Variants in DOCK3 observed in about 807,000 individuals in gnomAD.
DOCK3 encodes dedicator of cytokinesis 3.
DOCK3 carries 60 observed loss-of-function variants against 265.6 expected under a neutral mutation model. The ratio of observed to expected loss-of-function variants is 0.23; its 90% CI spans 0.18 to 0.28. The LOEUF is 0.28. Among genes scored for constraint, DOCK3 ranks in the 10% least tolerant of loss-of-function variants. The pLI is 1.00. For missense variants in DOCK3, 1,981 were observed against 2,594.3 expected, an observed-to-expected ratio of 0.76 and a Z score of 5.14; for synonymous variants, 881 against 938.0, an observed-to-expected ratio of 0.94 and a Z score of 1.11.
At chr3:51,178,878 A>G (rs780833129) in intron 12 of DOCK3, among the ~76,000 whole-genome samples, 16 of 152,258 alleles carry the variant, frequency 1.1e-4, no homozygotes, top group Non-Finnish European at 1.8e-4. Context: ...CAGATAATAA[A>G]GGACTCATTG....
At chr3:51,306,199 T>TG (rs1406394444) in intron 27 of DOCK3, among the ~76,000 whole-genome samples, 3 of 152,074 alleles carry the variant, frequency 2.0e-5, no homozygotes. Flanking sequence ...TTTTGCTGGC[T>TG]GTAGGATTCT....
chr3:51,283,896 G>C (rs1384367021), intron 27 of DOCK3, among the ~76,000 whole-genome samples: 2 of 152,222 alleles, frequency 1.3e-5, no homozygotes, highest in African/African-American at 2.4e-5. Flanking sequence ...AAACAGTGCA[G>C]AGAAGGGGCT....
At chr3:50,978,017 G>C (rs1295417956) in intron 5 of DOCK3, among the ~76,000 whole-genome samples, 3 of 152,006 alleles carry the variant, frequency 2.0e-5, no homozygotes, top group East Asian at 3.9e-4. Context: ...GCACTTCTCT[G>C]TATTGGTTAT....
chr3:51,333,420 A>G (rs908484049), intron 35 of DOCK3, among the ~76,000 whole-genome samples, 167 bp downstream of exon 35: 3 of 152,162 alleles, frequency 2.0e-5, no homozygotes, highest in Non-Finnish European at 4.4e-5. Flanking sequence ...CCAAGGAGAG[A>G]CAGAGACTTT....
intron 3 of DOCK3, among the ~76,000 whole-genome samples, chr3:50,872,806 TC>T (rs1213302263): frequency 6.6e-6 from 1 of 152,182 alleles, no homozygotes; most frequent in Non-Finnish European, 1.5e-5. Flanking sequence ...AGGAGCCTCA[TC>T]CTGTGGCTCC....
chr3:51,125,258 G>A (rs1028576146), intron 9 of DOCK3, among the ~76,000 whole-genome samples: 2 of 152,114 alleles, frequency 1.3e-5, no homozygotes, highest in Non-Finnish European at 2.9e-5. Context: ...AAATTTGAAA[G>A]CATTTAGGAA....
rs548273157 is a variant in DOCK3, at chr3:51,191,810, CTT to C, written c.1038-16962_1038-16961del. 1.8e-3 allele frequency among the ~76,000 whole-genome samples: 279 copies of C among 152,024 alleles called. 2 individuals carry two copies. The highest frequency in any genetic ancestry group is 6.4e-3 in the African/African-American group (264 of 41,518). The stretch of plus-strand genomic sequence containing the variant: ...TGGGAGGAAAAAACACACAAAAACT[CTT>C]TGCCCACTTTTATGGGATTATTAGC... On this transcript the variant is annotated intron_variant, in intron 12 of 52. Transcript: ENST00000266037.
At chr3:50,704,345 G>A (rs1219963094) in intron 1 of DOCK3, among the ~76,000 whole-genome samples, 3 of 151,834 alleles carry the variant, frequency 2.0e-5, no homozygotes, top group Admixed American at 6.6e-5. Context: ...CTCTCTAGGT[G>A]GTCTGTCCAG....
intron 27 of DOCK3, among the ~76,000 whole-genome samples, chr3:51,293,122 AC>A (rs1387027157): frequency 3.9e-5 from 6 of 152,200 alleles, no homozygotes; most frequent in South Asian, 2.1e-4. Flanking sequence ...ATAGAAAAAA[AC>A]AATCCTAAAA....
At chr3:51,352,095 G>T (rs1321208579) in intron 40 of DOCK3, among the ~76,000 whole-genome samples, 1 of 152,204 alleles carries the variant, frequency 6.6e-6, no homozygotes, top group Non-Finnish European at 1.5e-5. Context: ...AGTGGTGGAA[G>T]TCAGCAAAAG....
intron 5 of DOCK3, among the ~76,000 whole-genome samples, chr3:51,042,878 G>C (rs1284843271): frequency 6.6e-6 from 1 of 152,084 alleles, no homozygotes; most frequent in Non-Finnish European, 1.5e-5. Context: ...TAGGAGTACA[G>C]CTAATCAGGG....
At chr3:51,289,847 A>C (rs2081631434) in intron 27 of DOCK3, among the ~76,000 whole-genome samples, 1 of 152,226 alleles carries the variant, frequency 6.6e-6, no homozygotes, top group Non-Finnish European at 1.5e-5. Flanking sequence ...TACAAGAAAA[A>C]AACAACCCCA....
intron 12 of DOCK3, among the ~76,000 whole-genome samples, chr3:51,202,275 A>C (rs1171260760): frequency 2.0e-5 from 3 of 150,896 alleles, no homozygotes; most frequent in Non-Finnish European, 4.4e-5. Flanking sequence ...TGCTAGCAAG[A>C]CTAATAAAGA....
intron 5 of DOCK3, among the ~76,000 whole-genome samples, chr3:51,049,255 G>A (rs1376771179): frequency 6.6e-6 from 1 of 152,126 alleles, no homozygotes; most frequent in East Asian, 1.9e-4. Context: ...GAGCCTGGGA[G>A]GTGGCGATTG....
intron 3 of DOCK3, among the ~76,000 whole-genome samples, chr3:50,887,256 A>T (rs2048393550): frequency 6.6e-6 from 1 of 151,876 alleles, no homozygotes; most frequent in Non-Finnish European, 1.5e-5. Flanking sequence ...TAAACTAGAA[A>T]ATCTAGAAGA....
intron 17 of DOCK3, 115 bp from the exon 18 acceptor site, chr3:51,228,546 C>T: frequency 8.6e-7 from 1 of 1,167,982 alleles, no homozygotes; most frequent in East Asian, 2.5e-5. Flanking sequence ...GGACCTGAGG[C>T]CCAACGTTCA....
At chr3:50,815,485 C>G (rs1460806068) in intron 2 of DOCK3, among the ~76,000 whole-genome samples, 1 of 152,118 alleles carries the variant, frequency 6.6e-6, no homozygotes, top group African/African-American at 2.4e-5. Flanking sequence ...TGAAATTGAC[C>G]TTCGTCTCTT....
intron 5 of DOCK3, among the ~76,000 whole-genome samples, chr3:51,060,146 G>GTAT (rs1393942761): frequency 6.7e-6 from 1 of 148,608 alleles, no homozygotes; most frequent in Non-Finnish European, 1.5e-5. Flanking sequence ...AAAACTTAAA[G>GTAT]TATAATAATA....
intron 38 of DOCK3, among the ~76,000 whole-genome samples, chr3:51,344,976 G>A (rs562398611): frequency 9.2e-4 from 140 of 152,198 alleles, no homozygotes; most frequent in Non-Finnish European, 1.4e-3. Context: ...GATCCCAATG[G>A]AGGAGAAGAC....
Sources: gnomAD v4.1 joint callset for allele counts (sites outside exome capture counted in the v4.1 genomes callset) on GRCh38, gnomAD v4.1.1 for gene constraint, MANE v1.5 for transcripts, NCBI Gene and HGNC (gene_info 2026-07-23, HGNC 2026-07-21) for gene names.